EPS8L2: variants seen among roughly 807,000 people sequenced by gnomAD.
EPS8L2 encodes the protein epidermal growth factor receptor kinase substrate 8-like protein 2.
Under a neutral mutation model 99.4 loss-of-function variants are expected in EPS8L2, and 81 were observed. The ratio of observed to expected loss-of-function variants is 0.82; its 90% CI spans 0.68 to 0.98. The LOEUF is 0.98. EPS8L2 is among the 50% of genes least tolerant of loss of function. The probability of loss-of-function intolerance (pLI) is 0.00; values close to 1 mark genes in which losing one functional copy is unlikely to be tolerated. For synonymous variants in EPS8L2, 509 were observed against 407.3 expected, an observed-to-expected ratio of 1.25 and a Z score of -3.01; for missense variants, 1,155 against 968.8, an observed-to-expected ratio of 1.19 and a Z score of -2.55.
In EPS8L2 at chr11:710,463, G is replaced by T; in HGVS notation, c.142G>T (p.Glu48Ter). Residue 48 changes from glutamate (E) to a stop codon, truncating the protein, a stop_gained, in exon 4 of 21, where the codon GAG (glutamate) becomes TAG (stop). Coordinates refer to ENST00000318562, the MANE Select transcript of EPS8L2 (RefSeq NM_022772.4). LOFTEE classifies it high-confidence loss of function. ...TTCCAACTCCAACGTCATCATGCAC[G>T]AGACCTCGCAGTACCACGTCCAGGT... ...KYSNSNVIMHETSQYHVQHLA... is the reference protein window; with the variant it reads ...KYSNSNVIMH 1 of 1,613,732 alleles carries T rather than the reference G, an allele frequency of 6.2e-7. No individual in the cohort carries two copies. The highest frequency in any genetic ancestry group is 8.5e-7 in the Non-Finnish European group (1 of 1,179,962).
chr11:709,272 G>A, intron 1 of EPS8L2, 58 bp from the exon 2 acceptor site: 2 of 1,065,304 alleles, frequency 1.9e-6, no homozygotes, highest in Non-Finnish European at 1.4e-6. Flanking sequence ...CCCAGGGAAG[G>A]AGGGGAGGAA....
intron 4 of EPS8L2, among the ~76,000 whole-genome samples, chr11:718,276 T>A (rs1389563451): frequency 6.6e-6 from 1 of 151,950 alleles, no homozygotes; most frequent in Non-Finnish European, 1.5e-5. Flanking sequence ...GAGCTTGCAG[T>A]GAGCCAAGAT....
chr11:720,022 G>T, intron 4 of EPS8L2, 40 bp from the exon 5 acceptor site: 1 of 1,576,932 alleles, frequency 6.3e-7, no homozygotes, highest in Non-Finnish European at 8.6e-7. Flanking sequence ...TTCGACACAA[G>T]GAGGGCTCTG....
intron 4 of EPS8L2, among the ~76,000 whole-genome samples, chr11:718,963 C>G (rs946249966): frequency 6.7e-6 from 1 of 148,460 alleles, no homozygotes; most frequent in Admixed American, 6.8e-5. Context: ...CCACTGCGCC[C>G]GATCTTTTTT....
intron 4 of EPS8L2, among the ~76,000 whole-genome samples, chr11:712,796 G>A (rs538674840): frequency 6.6e-6 from 1 of 152,244 alleles, no homozygotes; most frequent in African/African-American, 2.4e-5. Context: ...CCTCCCAGCA[G>A]CCTGGGCAGC....
intron 6 of EPS8L2, 39 bp downstream of exon 6, chr11:720,785 G>C (rs2133524569): frequency 6.5e-7 from 1 of 1,540,720 alleles, no homozygotes; most frequent in African/African-American, 1.4e-5. Context: ...GGGCCCCGCC[G>C]CGCCGCGCCC....
intron 4 of EPS8L2, among the ~76,000 whole-genome samples, chr11:717,580 A>T (rs1862052826): frequency 6.6e-6 from 1 of 152,150 alleles, no homozygotes; most frequent in Admixed American, 6.6e-5. Flanking sequence ...TAGAATAGGT[A>T]AAAAAACACA....
Position 709,710 on chromosome 11 carries a change from G to A in EPS8L2, c.100+102G>A, listed in dbSNP as rs1861834104. Reference sequence around the variant, plus strand: ...CTGCCCCACAGCTGTGCCTGGTCTGGCCCAGGGGATCTCCGGGTGCCCAGG... The same window carrying A: ...CTGCCCCACAGCTGTGCCTGGTCTGACCCAGGGGATCTCCGGGTGCCCAGG... On this transcript the variant is annotated intron_variant, in intron 3 of 20. Transcript: ENST00000318562. 66 of 1,397,518 alleles carry A rather than the reference G, an allele frequency of 4.7e-5. 1 individual carries two copies. In the South Asian group the frequency reaches 7.7e-4, roughly 16 times the overall value. The allele number at this position is 1,397,518 out of a possible 1,614,324, so 86.6% of individuals were successfully genotyped here.
intron 3 of EPS8L2, 184 bp from the exon 4 acceptor site, chr11:710,238 T>TGGAG (rs1456318665): frequency 2.1e-5 from 13 of 610,492 alleles, no homozygotes; most frequent in Non-Finnish European, 3.5e-5. Flanking sequence ...GGGGCTTCCC[T>TGGAG]GGAGGGAGGG....
chr11:722,264 G>A (rs1221902561), intron 12 of EPS8L2, 99 bp downstream of exon 12: 2 of 1,537,476 alleles, frequency 1.3e-6, no homozygotes, highest in Admixed American at 1.7e-5. Flanking sequence ...TGCCCGCCTT[G>A]GGCAGCCCGG....
intron 17 of EPS8L2, 50 bp from the exon 18 acceptor site, chr11:726,048 G>C (rs1405147185): frequency 7.3e-7 from 1 of 1,377,132 alleles, no homozygotes; most frequent in Non-Finnish European, 1.0e-6. Context: ...GGCAGGTGCT[G>C]GGAGGCGGGG....
chr11:720,562 C>A, intron 5 of EPS8L2, 35 bp from the exon 6 acceptor site: 1 of 1,580,724 alleles, frequency 6.3e-7, no homozygotes, highest in Non-Finnish European at 8.6e-7. Context: ...GCCCAGACCC[C>A]GGGTGCGAGT....
chr11:721,514 C>T (rs905132166), intron 9 of EPS8L2, 51 bp from the exon 10 acceptor site: 14 of 1,519,978 alleles, frequency 9.2e-6, no homozygotes, highest in Admixed American at 2.3e-5. Context: ...TGCAGCAAGG[C>T]GGGGCGGTGG....
intron 4 of EPS8L2, among the ~76,000 whole-genome samples, chr11:715,962 ATTTATCTT>A (rs1862015093): frequency 1.0e-5 from 1 of 97,434 alleles, no homozygotes; most frequent in Non-Finnish European, 2.1e-5. Context: ...ACCTTAGATT[ATTTATCTT>A]TTTTTTTTTT....
intron 17 of EPS8L2, 97 bp downstream of exon 17, chr11:725,944 G>A: frequency 7.3e-7 from 1 of 1,373,836 alleles, no homozygotes; most frequent in African/African-American, 1.5e-5. Context: ...CGCGGCTGGA[G>A]AGACTGGGGC....
chr11:722,945 C>T (rs1325178743), intron 14 of EPS8L2, 140 bp downstream of exon 14: 1 of 533,388 alleles, frequency 1.9e-6, no homozygotes, highest in Non-Finnish European at 3.3e-6. Flanking sequence ...GTGCTCCCCT[C>T]CCCAGCCCCG....
intron 4 of EPS8L2, 77 bp from the exon 5 acceptor site, chr11:719,985 C>T (rs1189128468): frequency 6.8e-7 from 1 of 1,461,198 alleles, no homozygotes; most frequent in Non-Finnish European, 9.2e-7. Flanking sequence ...CTCAGCCCCT[C>T]AGGCTGTGGC....
intron 5 of EPS8L2, 152 bp from the exon 6 acceptor site, chr11:720,445 G>A (rs1862125853): frequency 7.8e-7 from 1 of 1,276,058 alleles, no homozygotes; most frequent in Non-Finnish European, 1.1e-6. Context: ...ACAGCTGCGG[G>A]GTGTGTCCCG....
chr11:711,254 G>A (rs74394438), intron 4 of EPS8L2, among the ~76,000 whole-genome samples: 3 of 131,674 alleles, frequency 2.3e-5, no homozygotes, highest in South Asian at 4.6e-4. Context: ...GCGTGTGTGC[G>A]TGTGTGCGTG....
Sources: allele counts gnomAD v4.1 joint callset (sites outside exome capture counted in the v4.1 genomes callset), GRCh38; gene constraint gnomAD v4.1.1; transcripts MANE v1.5; gene names NCBI Gene and HGNC (gene_info 2026-07-23, HGNC 2026-07-21).